The following POMT2 variants were observed in gnomAD, a reference collection of about 807,000 sequenced individuals.
POMT2 encodes protein O-mannosyl-transferase 2.
Under a neutral mutation model 100.0 loss-of-function variants are expected in POMT2, and 75 were observed. That is an observed-to-expected ratio of 0.75 (90% CI 0.62 to 0.91). The LOEUF (loss-of-function observed/expected upper bound fraction) is 0.91, where lower values mean the gene tolerates loss of function less well. Ranked by LOEUF, POMT2 falls within the 40% of genes least tolerant of loss-of-function variation. The pLI is 0.00. For missense variants in POMT2, 940 were observed against 955.1 expected (o/e 0.98, Z 0.21); for synonymous variants, 378 against 374.1 (o/e 1.01, Z -0.12).
chr14:77,306,361 A>G lies in POMT2; in HGVS notation c.414T>C (p.His138=), dbSNP rs1891229691. ...CTCCTCTCATTCCCATGTAGCTGTG[A>G]TGCTCATATTTATCCCCAGGCTTCT... is the stretch of plus-strand genomic sequence containing the variant. ...LFQKPGDKYE[H]HSYMGMRGFC... Residue 138 remains histidine, a synonymous_variant, in exon 3 of 21, where the codon CAT becomes CAC. Coordinates refer to ENST00000261534, the MANE Select transcript of POMT2 (RefSeq NM_013382.7). The G allele has an allele frequency of 6.2e-7, 1 of 1,613,044 alleles. No individual in the cohort carries two copies. Among genetic ancestry groups the G allele is most frequent in the Non-Finnish European group, 8.5e-7 (1 of 1,179,070 alleles).
chr14:77,320,203 GA>G lies in POMT2; in HGVS notation c.248+230del, dbSNP rs1566666176. 4 of 687,296 alleles carry G rather than the reference GA, an allele frequency of 5.8e-6. No homozygotes were observed. The East Asian group carries it at 8.3e-5, about 14-fold the overall frequency. 42.6% of individuals were successfully genotyped at this position (687,296 alleles called of 1,614,324 possible). On this transcript the variant is annotated intron_variant, in intron 1 of 20. Coordinates refer to ENST00000261534, the MANE Select transcript of POMT2 (RefSeq NM_013382.7). The stretch of plus-strand genomic sequence containing the variant: ...CACTGTAGCATAACCTGGAAGACAT[GA>G]GGGCTGCTTCCTCAGATACTAAGAA...
In POMT2 at chr14:77,296,305, C is replaced by T. The variant is rs79509556; in HGVS notation, c.1007-32G>A. 0.029 allele frequency: 43,203 copies of T among 1,483,100 alleles called. 806 individuals are homozygous for T. The highest frequency in any genetic ancestry group is 0.035 in the Non-Finnish European group (38,050 of 1,079,314). The allele number at this position is 1,483,100 out of a possible 1,614,324, so 91.9% of individuals were successfully genotyped here. A position where few individuals can be genotyped will look rare whatever the true frequency, so the allele number is the denominator to read the frequency against. On this transcript the variant is annotated intron_variant, in intron 8 of 20. Transcript: ENST00000261534. Reference sequence around the variant, plus strand: ...GGAAGGGAGACAGCAGAGGGGTGAGCTGGCACAGTGCCAGAGGCTGTCCGT... The same window carrying T: ...GGAAGGGAGACAGCAGAGGGGTGAGTTGGCACAGTGCCAGAGGCTGTCCGT...
Position 77,276,648 on chromosome 14 carries a change from C to G in POMT2, c.*728G>C, listed in dbSNP as rs550980783. 6.5e-6 allele frequency: 1 copy of G among 152,732 alleles called. No individual in the cohort carries two copies. Among genetic ancestry groups the G allele is most frequent in the Non-Finnish European group, 1.5e-5 (1 of 68,468 alleles). The allele number at this position is 152,732 out of a possible 1,614,324, so 9.5% of individuals were successfully genotyped here. A position where few individuals can be genotyped will look rare whatever the true frequency, so the allele number is the denominator to read the frequency against. On this transcript the variant is annotated 3_prime_UTR_variant, in exon 21 of 21. Transcript: ENST00000261534. ...GTCACAGTGTGACAATCCCAAAAAA[C>G]GAGGAACCAAGGGCTAAGGCAGGCT...
intron 7 of POMT2, 44 bp from the exon 8 acceptor site, chr14:77,298,815 G>A: frequency 6.4e-7 from 1 of 1,565,176 alleles, no homozygotes. Flanking sequence ...TTAAAGGAGT[G>A]AAAGTGTGAT....
At position 77,288,769 on chromosome 14, in the gene POMT2, G is replaced by T; in HGVS notation, c.1246C>A (p.His416Asn). The T allele has an allele frequency of 6.2e-7, 1 of 1,613,602 alleles. No individual in the cohort carries two copies. The highest frequency in any genetic ancestry group is 8.5e-7 in the Non-Finnish European group (1 of 1,179,678). ...AACTGCAAATTGACTTACTCTTTGT[G>T]TTCTAGTCGAATAATGTCTCCATGT... is the stretch of plus-strand genomic sequence containing the variant. The part of the protein sequence containing the change: ...VRHGDIIRLE[H>N]KETSRNLHSH... Residue 416 changes from histidine to asparagine, a missense_variant, in exon 11 of 21, where the codon CAC becomes AAC. By Grantham distance (68) the His-to-Asn change is moderately conservative (BLOSUM62 1). Transcript: ENST00000261534.
intron 9 of POMT2, among the ~76,000 whole-genome samples, chr14:77,295,300 T>G (rs1890784268): frequency 6.6e-6 from 1 of 152,144 alleles, no homozygotes; most frequent in Non-Finnish European, 1.5e-5. Context: ...CAACTGCCCT[T>G]TGATGGAGAG....
chr14:77,311,971 T>A lies in POMT2; in HGVS notation c.311A>T (p.Asp104Val), dbSNP rs1891449262. 1 of 1,613,830 alleles carries A rather than the reference T, an allele frequency of 6.2e-7. No homozygotes were observed. The highest frequency in any genetic ancestry group is 8.5e-7 in the Non-Finnish European group (1 of 1,179,972). The change falls in exon 2 of 21, where the codon GAT becomes GTT. Residue 104 changes from aspartate (D) to valine (V), a missense_variant. Physicochemically the swap from Asp to Val is radical, Grantham distance 152. Coordinates refer to ENST00000261534, the MANE Select transcript of POMT2 (RefSeq NM_013382.7). ...CACCTTTCCCAGGGGCGGGTGCACA[T>A]CAAAGAAAAATGTACGGTTGATATA... ...SYYINRTFFF[D>V]VHPPLGKMLI... is the part of the protein sequence containing the mutation.
At chr14:77,312,256 C>T (rs1891463323) in intron 1 of POMT2, 1 of 594,098 alleles carries the variant, frequency 1.7e-6, no homozygotes, top group African/African-American at 1.9e-5. Context: ...AGCAAATATT[C>T]ACTAGCCAGT....
chr14:77,309,095 T>C (rs2139510629), intron 2 of POMT2, among the ~76,000 whole-genome samples: 1 of 152,366 alleles, frequency 6.6e-6, no homozygotes, highest in Middle Eastern at 3.4e-3. Context: ...CTTATCCCAT[T>C]TGAGTTTTTA....
chr14:77,305,179 G>C (rs962498461), intron 3 of POMT2, among the ~76,000 whole-genome samples: 2 of 152,198 alleles, frequency 1.3e-5, no homozygotes, highest in Non-Finnish European at 2.9e-5. Context: ...TTACACAACT[G>C]TAGGTACAAG....
At chr14:77,285,891 C>T (rs1026884858) in intron 12 of POMT2, among the ~76,000 whole-genome samples, 1 of 152,174 alleles carries the variant, frequency 6.6e-6, no homozygotes, top group African/African-American at 2.4e-5. Flanking sequence ...TCCAACTCTT[C>T]ACTTCATAGA....
At chr14:77,320,251 G>T in intron 1 of POMT2, 183 bp downstream of exon 1, 2 of 1,011,124 alleles carry the variant, frequency 2.0e-6, no homozygotes, top group Non-Finnish European at 2.9e-6. Flanking sequence ...CACCACCAGA[G>T]CAAAACGATC....
intron 2 of POMT2, among the ~76,000 whole-genome samples, chr14:77,308,079 C>T (rs1342041394): frequency 6.6e-6 from 1 of 150,686 alleles, no homozygotes; most frequent in East Asian, 2.0e-4. Context: ...CCAGGCTGGT[C>T]TTGAACTCCT....
At chr14:77,306,075 C>T (rs1012483445) in intron 3 of POMT2, among the ~76,000 whole-genome samples, 18 of 152,140 alleles carry the variant, frequency 1.2e-4, no homozygotes, top group African/African-American at 3.9e-4. Context: ...GACAGTATAC[C>T]GGGGCAGGGC....
At chr14:77,308,356 G>GTTTTT (rs529559494) in intron 2 of POMT2, among the ~76,000 whole-genome samples, 3 of 128,472 alleles carry the variant, frequency 2.3e-5, no homozygotes, top group Admixed American at 8.1e-5. Flanking sequence ...AAGTTTTTTT[G>GTTTTT]TTTTTTTTTT....
intron 1 of POMT2, 53 bp downstream of exon 1, chr14:77,320,381 C>T: frequency 1.3e-6 from 2 of 1,542,192 alleles, no homozygotes. Flanking sequence ...AATCAGAGGG[C>T]GGCGTCCCGT....
intron 7 of POMT2, among the ~76,000 whole-genome samples, chr14:77,299,206 C>T (rs1228769252): frequency 1.3e-5 from 2 of 152,174 alleles, no homozygotes; most frequent in Non-Finnish European, 2.9e-5. Flanking sequence ...ACAGGGGACT[C>T]TGTTTAGAGA....
chr14:77,292,777 T>C (rs2140208328), intron 9 of POMT2, among the ~76,000 whole-genome samples: 1 of 152,364 alleles, frequency 6.6e-6, no homozygotes, highest in South Asian at 2.1e-4. Context: ...TACCATTGTG[T>C]TCCACTGTGT....
At chr14:77,297,850 A>C (rs1340766449) in intron 8 of POMT2, among the ~76,000 whole-genome samples, 3 of 152,040 alleles carry the variant, frequency 2.0e-5, no homozygotes, top group South Asian at 2.1e-4. Flanking sequence ...TCCCCTCCCC[A>C]GCCAGCCTCG....
Sources: gnomAD v4.1 joint callset for allele counts (sites outside exome capture counted in the v4.1 genomes callset) on GRCh38, gnomAD v4.1.1 for gene constraint, MANE v1.5 for transcripts, NCBI Gene and HGNC (gene_info 2026-07-23, HGNC 2026-07-21) for gene names.